Variants in TRIM33 observed in about 807,000 individuals in gnomAD.
TRIM33 encodes the protein tripartite motif containing 33.
In TRIM33, 20 loss-of-function variants were observed where a neutral mutation model predicts 125.4. That is an observed-to-expected ratio of 0.16 (90% CI 0.11 to 0.23). The LOEUF is 0.23. Among genes scored for constraint, TRIM33 ranks in the 10% least tolerant of loss-of-function variants. The pLI, the probability that TRIM33 is intolerant of heterozygous loss-of-function variation, is 1.00. For missense variants in TRIM33, 920 were observed against 1,411.4 expected (o/e 0.65, Z 5.58); for synonymous variants, 564 against 513.9 (o/e 1.10, Z -1.32).
intron 10 of TRIM33, among the ~76,000 whole-genome samples, chr1:114,422,057 A>T (rs1299792913): frequency 6.6e-6 from 1 of 152,226 alleles, no homozygotes; most frequent in Non-Finnish European, 1.5e-5. Context: ...TTTACAGAAA[A>T]GAAAAATGGC....
Position 114,424,601 on chromosome 1 carries a change from A to G in TRIM33, c.1850T>C (p.Leu617Pro). 1 of 1,580,192 alleles carries G rather than the reference A, an allele frequency of 6.3e-7. No individual in the cohort carries two copies. Among genetic ancestry groups the G allele is most frequent in the Non-Finnish European group, 8.6e-7 (1 of 1,167,364 alleles). Residue 617 changes from leucine to proline, a missense_variant, in exon 10 of 20, where the codon CTC (leucine) becomes CCC (proline). Around this residue, in one of 8 missense-constraint regions of TRIM33, gnomAD observed 407 missense variants for 589.7 expected, o/e 0.69. Coordinates refer to ENST00000358465, the MANE Select transcript of TRIM33 (RefSeq NM_015906.4). ...TAACTCTAGGCATACTTGTCTTTGG[A>G]GGTGTGGCTGCATCATGGAATATTG... ...GPQYSMMQPH[L>P]QRQHSNPGHA...
intron 1 of TRIM33, among the ~76,000 whole-genome samples, chr1:114,479,193 A>G (rs1651151708): frequency 6.6e-6 from 1 of 152,244 alleles, no homozygotes; most frequent in Non-Finnish European, 1.5e-5. Flanking sequence ...TCAAGCTCCC[A>G]ACATAAATGT....
chr1:114,481,666 T>C (rs1452035580), intron 1 of TRIM33, among the ~76,000 whole-genome samples: 4 of 130,912 alleles, frequency 3.1e-5, no homozygotes, highest in African/African-American at 1.2e-4. Context: ...TGTGTGTATA[T>C]ATATGTGTGT....
chr1:114,465,418 C>G (rs1306695765), intron 1 of TRIM33, among the ~76,000 whole-genome samples: 1 of 152,208 alleles, frequency 6.6e-6, no homozygotes. Context: ...GCACCAAAGA[C>G]TGGGATATAA....
chr1:114,444,229 G>C (rs551294573), intron 4 of TRIM33, among the ~76,000 whole-genome samples: 106 of 152,292 alleles, frequency 7.0e-4, no homozygotes, highest in African/African-American at 2.3e-3. Context: ...GGGGAACAGA[G>C]GGTAGATAGA....
Position 114,510,893 on chromosome 1 carries a change from G to A in TRIM33, c.184C>T (p.Pro62Ser). 4 of 1,429,256 alleles carry A rather than the reference G, an allele frequency of 2.8e-6. No homozygotes were observed. The highest frequency in any genetic ancestry group is 3.0e-5 in the East Asian group (1 of 33,432). The allele number at this position is 1,429,256 out of a possible 1,614,324, so 88.5% of individuals were successfully genotyped here. Residue 62 changes from proline to serine, a missense_variant, in exon 1 of 20, where the codon CCC becomes TCC. By Grantham distance (74) the Pro-to-Ser change is moderately conservative. Coordinates refer to ENST00000358465, the MANE Select transcript of TRIM33 (RefSeq NM_015906.4). ...RAGAEGGAAG[P>S]DDGGVAAASS... ...GCCGCGGCCACCCCCCCGTCGTCGG[G>A]CCCGGCCGCGCCGCCCTCAGCGCCG...
chr1:114,408,600 G>T, intron 13 of TRIM33, 77 bp downstream of exon 13: 1 of 940,452 alleles, frequency 1.1e-6, no homozygotes, highest in Non-Finnish European at 1.6e-6. Flanking sequence ...GGGGTTCACT[G>T]TAATATTCTA....
intron 1 of TRIM33, among the ~76,000 whole-genome samples, chr1:114,498,917 G>GA (rs201793788): frequency 1.6e-4 from 24 of 148,954 alleles, no homozygotes; most frequent in African/African-American, 4.2e-4. Context: ...GAAACTTTTA[G>GA]AAAAAAAAAT....
intron 1 of TRIM33, among the ~76,000 whole-genome samples, chr1:114,497,158 T>C (rs12758518): frequency 8.0e-4 from 122 of 152,382 alleles, no homozygotes; most frequent in Admixed American, 2.2e-3. Flanking sequence ...CAATTTGTAA[T>C]GTACCAAAAA....
intron 15 of TRIM33, chr1:114,404,778 T>G (rs1338406726): frequency 6.6e-6 from 1 of 151,778 alleles, no homozygotes; most frequent in Non-Finnish European, 1.5e-5. Flanking sequence ...CAATTAAAGT[T>G]ACTGCTTCTC....
At chr1:114,481,669 A>G (rs546809733) in intron 1 of TRIM33, among the ~76,000 whole-genome samples, 33 of 123,086 alleles carry the variant, frequency 2.7e-4, no homozygotes, top group South Asian at 1.2e-3. Context: ...GTGTATATAT[A>G]TGTGTGTATA....
intron 4 of TRIM33, among the ~76,000 whole-genome samples, chr1:114,435,696 A>T (rs1170323557): frequency 6.6e-6 from 1 of 151,932 alleles, no homozygotes; most frequent in African/African-American, 2.4e-5. Flanking sequence ...CACTGACTTT[A>T]TTGTGGTAAA....
intron 17 of TRIM33, 50 bp from the exon 18 acceptor site, chr1:114,399,659 T>C (rs1651751267): frequency 6.8e-7 from 1 of 1,462,706 alleles, no homozygotes; most frequent in East Asian, 2.3e-5. Flanking sequence ...AATGCCAAAC[T>C]GTTTAATTTG....
intron 10 of TRIM33, among the ~76,000 whole-genome samples, chr1:114,423,676 A>C (rs1647348183): frequency 6.6e-6 from 1 of 152,090 alleles, no homozygotes; most frequent in Admixed American, 6.6e-5. Context: ...CTGGGATTAC[A>C]GGCGTGAGCC....
At chr1:114,451,272 A>G (rs1162283731) in intron 4 of TRIM33, among the ~76,000 whole-genome samples, 2 of 151,528 alleles carry the variant, frequency 1.3e-5, no homozygotes, top group East Asian at 3.9e-4. Flanking sequence ...TGAGAAATAT[A>G]TTGATTGGCT....
intron 1 of TRIM33, among the ~76,000 whole-genome samples, chr1:114,493,064 A>T (rs1215792696): frequency 6.6e-6 from 1 of 152,170 alleles, no homozygotes; most frequent in Non-Finnish European, 1.5e-5. Context: ...CCTTGCCAAC[A>T]CTTTGTTGTT....
intron 6 of TRIM33, among the ~76,000 whole-genome samples, chr1:114,428,872 T>C (rs1267777159): frequency 6.6e-6 from 1 of 152,150 alleles, no homozygotes; most frequent in African/African-American, 2.4e-5. Context: ...CTTTTTTTTT[T>C]TTAACAGAGT....
intron 1 of TRIM33, among the ~76,000 whole-genome samples, chr1:114,491,636 T>A (rs12079871): frequency 0.02 from 3,004 of 152,002 alleles, 93 homozygotes; most frequent in African/African-American, 0.069. Context: ...AACCCAGTCT[T>A]TACAAAAAAT....
chr1:114,449,642 T>C lies in TRIM33; in HGVS notation c.923+13462A>G, dbSNP rs770976378. On this transcript the variant is annotated intron_variant, in intron 4 of 19. Transcript: ENST00000358465. ...ACCCTATCTCCACCTCAAACGAGGA[T>C]TGAAGAGTAAGAGAGTGTGGTCTTA... Among the ~76,000 whole-genome samples the C allele has an allele frequency of 4.6e-5, 7 of 152,076 alleles. No individual in the cohort carries two copies. The South Asian group carries it at 8.3e-4, about 18-fold the overall frequency.
Sources: allele counts gnomAD v4.1 joint callset (sites outside exome capture counted in the v4.1 genomes callset), GRCh38; gene constraint gnomAD v4.1.1; regional missense constraint gnomAD v4.1.1; transcripts MANE v1.5; gene names NCBI Gene and HGNC (gene_info 2026-07-23, HGNC 2026-07-21).